Variants in UPP2 observed in about 807,000 individuals in gnomAD.
The protein encoded by UPP2 is UPase 2.
In UPP2, 23 loss-of-function variants were observed where a neutral mutation model predicts 26.7. The observed-to-expected ratio is 0.86, with a 90% CI of 0.62 to 1.22. The LOEUF (loss-of-function observed/expected upper bound fraction) is 1.22. UPP2 is among the 50% of genes most tolerant of loss of function. The pLI is 0.00. For missense variants in UPP2, 387 were observed against 396.7 expected (o/e 0.98, Z 0.21); for synonymous variants, 127 against 141.3 (o/e 0.90, Z 0.72).
intron 3 of UPP2, among the ~76,000 whole-genome samples, chr2:158,038,915 A>T (rs978364861): frequency 6.6e-6 from 1 of 152,138 alleles, no homozygotes; most frequent in Non-Finnish European, 1.5e-5. Context: ...GGGCATCCAT[A>T]ATTTTCCCCA....
intron 3 of UPP2, among the ~76,000 whole-genome samples, chr2:158,060,962 A>G (rs1682343224): frequency 2.0e-5 from 3 of 152,222 alleles, no homozygotes; most frequent in African/African-American, 4.8e-5. Context: ...AGCCTGGATG[A>G]CTAATATAGT....
intron 3 of UPP2, among the ~76,000 whole-genome samples, chr2:158,037,315 C>T (rs1184139047): frequency 6.6e-6 from 1 of 151,920 alleles, no homozygotes; most frequent in Admixed American, 6.6e-5. Flanking sequence ...GCGGAGGTTG[C>T]AGTGAGCCGA....
chr2:158,107,116 AG>A (rs2105215417), intron 2 of UPP2, among the ~76,000 whole-genome samples: 1 of 152,228 alleles, frequency 6.6e-6, no homozygotes, highest in East Asian at 1.9e-4. Context: ...TTGTAACTAA[AG>A]ATTTTCTACA....
intron 2 of UPP2, among the ~76,000 whole-genome samples, chr2:158,011,488 T>A (rs1024672597): frequency 1.3e-5 from 2 of 151,920 alleles, no homozygotes; most frequent in African/African-American, 4.8e-5. Flanking sequence ...GAAAAAAAGC[T>A]AGGGAAGAAG....
At chr2:158,038,423 C>A (rs906715966) in intron 3 of UPP2, among the ~76,000 whole-genome samples, 2 of 152,164 alleles carry the variant, frequency 1.3e-5, no homozygotes, top group African/African-American at 2.4e-5. Flanking sequence ...ATAATGAGGA[C>A]AAGCAAATCA....
At chr2:158,047,243 G>C (rs1256553261) in intron 3 of UPP2, among the ~76,000 whole-genome samples, 4 of 152,194 alleles carry the variant, frequency 2.6e-5, no homozygotes, top group Non-Finnish European at 5.9e-5. Context: ...TCACACAGCG[G>C]GGGTATTGAG....
At chr2:158,080,628 A>G (rs1263728529) in intron 3 of UPP2, among the ~76,000 whole-genome samples, 1 of 152,180 alleles carries the variant, frequency 6.6e-6, no homozygotes, top group Non-Finnish European at 1.5e-5. Context: ...TATTGAAGCC[A>G]TAGTTATCTT....
chr2:158,018,094 C>T (rs1683688461), intron 3 of UPP2, among the ~76,000 whole-genome samples: 1 of 152,164 alleles, frequency 6.6e-6, no homozygotes, highest in African/African-American at 2.4e-5. Flanking sequence ...ACTGAAGACA[C>T]ATAGAATAAC....
chr2:158,123,609 C>G (rs1172335312), intron 5 of UPP2, 140 bp from the exon 6 acceptor site: 2 of 956,844 alleles, frequency 2.1e-6, no homozygotes, highest in African/African-American at 3.3e-5. Flanking sequence ...AAGAGTCACA[C>G]AGCTCAGTTT....
chr2:158,072,037 G>T (rs1682550924), intron 3 of UPP2, among the ~76,000 whole-genome samples: 1 of 152,186 alleles, frequency 6.6e-6, no homozygotes, highest in African/African-American at 2.4e-5. Flanking sequence ...GGGACCCTGA[G>T]TCTAGGCCTT....
chr2:158,052,348 A>G (rs1682173107), intron 3 of UPP2, among the ~76,000 whole-genome samples: 1 of 152,244 alleles, frequency 6.6e-6, no homozygotes, highest in Admixed American at 6.5e-5. Flanking sequence ...TGTAGTAGAA[A>G]GTATGATGGT....
At chr2:158,128,737 G>A (rs1421711497) in intron 6 of UPP2, among the ~76,000 whole-genome samples, 1 of 152,162 alleles carries the variant, frequency 6.6e-6, no homozygotes, top group Non-Finnish European at 1.5e-5. Context: ...CTGGACGGAA[G>A]AGCCAAAATG....
chr2:158,050,057 C>G (rs1299690402), intron 3 of UPP2, among the ~76,000 whole-genome samples: 1 of 152,080 alleles, frequency 6.6e-6, no homozygotes, highest in East Asian at 1.9e-4. Context: ...ATTTTATTTA[C>G]CTTTTGTTAG....
chr2:158,111,527 ATC>A (rs2105218886), intron 2 of UPP2, among the ~76,000 whole-genome samples: 1 of 152,212 alleles, frequency 6.6e-6, no homozygotes, highest in South Asian at 2.1e-4. Flanking sequence ...CATTCTGAAA[ATC>A]TCTGTGTCTT....
At chr2:158,119,676 G>T (rs1201591030) in intron 4 of UPP2, among the ~76,000 whole-genome samples, 2 of 151,754 alleles carry the variant, frequency 1.3e-5, no homozygotes, top group Non-Finnish European at 1.5e-5. Context: ...ACTTTCTTAG[G>T]ACATTGTGAA....
intron 3 of UPP2, among the ~76,000 whole-genome samples, chr2:158,048,828 C>T (rs1285649158): frequency 2.6e-5 from 4 of 152,184 alleles, no homozygotes; most frequent in Non-Finnish European, 5.9e-5. Context: ...AGGAGGAAGG[C>T]AGAAAGCCAC....
intron 3 of UPP2, among the ~76,000 whole-genome samples, chr2:158,116,725 C>G (rs1683438968): frequency 6.6e-6 from 1 of 152,172 alleles, no homozygotes; most frequent in South Asian, 2.1e-4. Context: ...AGTTCATCTT[C>G]TTATTTTGCA....
chr2:158,001,784 T>C (rs1364839298), intron 2 of UPP2, among the ~76,000 whole-genome samples: 4 of 152,024 alleles, frequency 2.6e-5, no homozygotes, highest in Non-Finnish European at 5.9e-5. Flanking sequence ...TTGGGGAAGA[T>C]TGCTAGCCAT....
At chr2:158,102,349 A>T (rs34293201) in intron 1 of UPP2, among the ~76,000 whole-genome samples, 5,375 of 152,248 alleles carry the variant, frequency 0.035, 157 homozygotes, top group East Asian at 0.14. Flanking sequence ...CATCTAAGAA[A>T]ATGGGGCAAA....
Sources: gnomAD v4.1 joint callset for allele counts (sites outside exome capture counted in the v4.1 genomes callset) on GRCh38, gnomAD v4.1.1 for gene constraint, MANE v1.5 for transcripts, NCBI Gene and HGNC (gene_info 2026-07-23, HGNC 2026-07-21) for gene names.